Variants in CDK6 observed in about 807,000 individuals in gnomAD.
The protein encoded by CDK6 is cyclin-dependent kinase 6.
In CDK6, 6 loss-of-function variants were observed where a neutral mutation model predicts 37.1. The ratio of observed to expected loss-of-function variants is 0.16; its 90% CI spans 0.09 to 0.32. The LOEUF is 0.32. Ranked by LOEUF, CDK6 falls within the 10% of genes least tolerant of loss-of-function variation. The probability of loss-of-function intolerance (pLI) is 1.00; values close to 1 mark genes in which losing one functional copy is unlikely to be tolerated. For synonymous variants in CDK6, 160 were observed against 161.3 expected (o/e 0.99, Z 0.06); for missense variants, 224 against 418.9 (o/e 0.53, Z 4.06).
rs538303533 is a variant in CDK6 at position 92,677,972 on chromosome 7, T to G, written c.538-6437A>C. 4.6e-5 allele frequency among the ~76,000 whole-genome samples: 7 copies of G among 152,308 alleles called. No individual in the cohort carries two copies. The South Asian group carries it at 1.4e-3, about 32-fold the overall frequency. ...TTATACTTCTGTGCCTCTAAAAACT[T>G]CTGATGGAAGACTGCTGAACTTAAA... On this transcript the variant is annotated intron_variant, in intron 4 of 7. Coordinates refer to ENST00000424848, the MANE Select transcript of CDK6 (RefSeq NM_001145306.2).
chr7:92,754,678 C>T (rs905748765), intron 3 of CDK6, among the ~76,000 whole-genome samples: 8 of 152,166 alleles, frequency 5.3e-5, no homozygotes, highest in Non-Finnish European at 1.0e-4. Flanking sequence ...AAAAATAAAA[C>T]AACAGTTTTT....
At chr7:92,636,439 A>T (rs1488872072) in intron 5 of CDK6, among the ~76,000 whole-genome samples, 1 of 152,176 alleles carries the variant, frequency 6.6e-6, no homozygotes, top group Non-Finnish European at 1.5e-5. Context: ...TACAAGAATG[A>T]GAAGGCTGAG....
At chr7:92,681,742 TA>T (rs988637485) in intron 4 of CDK6, among the ~76,000 whole-genome samples, 31 of 152,286 alleles carry the variant, frequency 2.0e-4, no homozygotes, top group African/African-American at 7.2e-4. Flanking sequence ...TTGTCTCTTT[TA>T]AATTATTGCT....
chr7:92,767,952 T>C (rs566910916), intron 3 of CDK6, among the ~76,000 whole-genome samples: 1 of 152,282 alleles, frequency 6.6e-6, no homozygotes, highest in East Asian at 1.9e-4. Context: ...CTATAAGTGA[T>C]ATACTTTGAA....
At chr7:92,714,904 G>C (rs924225756) in intron 4 of CDK6, among the ~76,000 whole-genome samples, 1 of 151,526 alleles carries the variant, frequency 6.6e-6, no homozygotes, top group African/African-American at 2.4e-5. Flanking sequence ...GTTTATTCTT[G>C]ACAGAATTCT....
chr7:92,833,952 G>T lies in CDK6; in HGVS notation c.-367-262C>A. On this transcript the variant is annotated intron_variant, in intron 1 of 7. Transcript: ENST00000424848. The surrounding 1 kb of genome is among the most constrained non-coding windows in gnomAD (Gnocchi z 6.1). ...CCTCGGGGATGAGCGAGCGGCGCGG[G>T]ACGCAGTGGAACGGGAGGGGGCGTG... 1 of 398,802 alleles carries T rather than the reference G, an allele frequency of 2.5e-6. No homozygotes were observed. The highest frequency in any genetic ancestry group is 1.3e-4 in the South Asian group (1 of 7,880). The allele number at this position is 398,802 out of a possible 1,614,324, so 24.7% of individuals were successfully genotyped here. A position where few individuals can be genotyped will look rare whatever the true frequency, so the allele number is the denominator to read the frequency against.
intron 4 of CDK6, among the ~76,000 whole-genome samples, chr7:92,689,947 A>G (rs139089084): frequency 1.2e-3 from 175 of 152,010 alleles, no homozygotes; most frequent in African/African-American, 4.1e-3. Flanking sequence ...GTGTCTGTTC[A>G]TGTCATTTGC....
intron 2 of CDK6, among the ~76,000 whole-genome samples, chr7:92,800,387 A>G (rs1445637193): frequency 6.6e-6 from 1 of 152,168 alleles, no homozygotes; most frequent in Non-Finnish European, 1.5e-5. Flanking sequence ...TTCTTTTCAC[A>G]TCGTTCTTCT....
At chr7:92,805,884 G>C (rs1455086001) in intron 2 of CDK6, among the ~76,000 whole-genome samples, 1 of 152,118 alleles carries the variant, frequency 6.6e-6, no homozygotes, top group Non-Finnish European at 1.5e-5. Context: ...GTTCTCTTCT[G>C]ATTTTAAAAT....
intron 5 of CDK6, among the ~76,000 whole-genome samples, chr7:92,664,096 G>T (rs1179373113): frequency 2.6e-5 from 4 of 151,704 alleles, no homozygotes; most frequent in African/African-American, 9.7e-5. Context: ...AGCCAAGATC[G>T]TGCCACTGCA....
chr7:92,751,640 C>T (rs1799190629), intron 3 of CDK6, among the ~76,000 whole-genome samples: 1 of 152,218 alleles, frequency 6.6e-6, no homozygotes, highest in Middle Eastern at 3.4e-3. Context: ...AGTATGTATT[C>T]CTCAATGGTT....
At chr7:92,831,514 G>A (rs2116023677) in intron 2 of CDK6, among the ~76,000 whole-genome samples, 2 of 152,272 alleles carry the variant, frequency 1.3e-5, no homozygotes, top group East Asian at 3.9e-4. Flanking sequence ...CTGAGTTACA[G>A]GGGGCTAAAT....
chr7:92,639,065 T>A (rs1227143144), intron 5 of CDK6, among the ~76,000 whole-genome samples: 1 of 152,210 alleles, frequency 6.6e-6, no homozygotes, highest in Non-Finnish European at 1.5e-5. Context: ...CATCTGCTTC[T>A]TTATGGATCC....
chr7:92,635,248 C>T (rs1214487313), intron 5 of CDK6, among the ~76,000 whole-genome samples: 1 of 152,190 alleles, frequency 6.6e-6, no homozygotes, highest in Non-Finnish European at 1.5e-5. Context: ...TGTCAGGTAA[C>T]AATGTTGTTT....
In CDK6 at chr7:92,834,629, G is replaced by A. The variant is rs1309344331; in HGVS notation, c.-367-939C>T. On this transcript the variant is annotated intron_variant, in intron 1 of 7. Transcript: ENST00000424848. This position sits in a 1 kb window ranked among gnomAD's most constrained non-coding sequence, Gnocchi z 4.6. ...TAGCATAATCGCGCCTCGTCCTTAA[G>A]TTTTAAACTGATTTCGACCTGAGCA... is the stretch of plus-strand genomic sequence containing the variant. Among the ~76,000 whole-genome samples the A allele has an allele frequency of 6.9e-6, 1 of 144,400 alleles. No homozygotes were observed. Among genetic ancestry groups the A allele is most frequent in the African/African-American group, 2.5e-5 (1 of 39,216 alleles). The allele number at this position is 144,400 out of a possible 152,430, so 94.7% of individuals were successfully genotyped here. A position where few individuals can be genotyped will look rare whatever the true frequency, so the allele number is the denominator to read the frequency against.
At chr7:92,684,923 TCGA>T (rs1178378989) in intron 4 of CDK6, among the ~76,000 whole-genome samples, 5 of 152,282 alleles carry the variant, frequency 3.3e-5, no homozygotes, top group East Asian at 1.9e-4. Flanking sequence ...TTGTATGGAC[TCGA>T]CGACATTATC....
At chr7:92,756,700 A>T (rs928888956) in intron 3 of CDK6, among the ~76,000 whole-genome samples, 1 of 152,250 alleles carries the variant, frequency 6.6e-6, no homozygotes, top group Non-Finnish European at 1.5e-5. Context: ...ATGCAACATT[A>T]GAGTGGTGGG....
chr7:92,833,969 G>C lies in CDK6; in HGVS notation c.-367-279C>G, dbSNP rs926823345. On this transcript the variant is annotated intron_variant, in intron 1 of 7. Transcript: ENST00000424848. The surrounding 1 kb of genome is among the most constrained non-coding windows in gnomAD (Gnocchi z 6.1). ...CGGCGCGGGACGCAGTGGAACGGGA[G>C]GGGGCGTGCCGAGCAGCCCAGAGTG... 1 of 398,624 alleles carries C rather than the reference G, an allele frequency of 2.5e-6. No homozygotes were observed. The highest frequency in any genetic ancestry group is 4.4e-6 in the Non-Finnish European group (1 of 226,150). 24.7% of individuals were successfully genotyped at this position (398,624 alleles called of 1,614,324 possible).
chr7:92,659,400 T>G (rs1796784114), intron 5 of CDK6, among the ~76,000 whole-genome samples: 1 of 152,230 alleles, frequency 6.6e-6, no homozygotes, highest in African/African-American at 2.4e-5. Context: ...ACATTTTGGA[T>G]GTACTGTGGT....
Sources: allele counts gnomAD v4.1 joint callset (sites outside exome capture counted in the v4.1 genomes callset), GRCh38; gene constraint gnomAD v4.1.1; non-coding constraint Gnocchi (gnomAD v3.1); transcripts MANE v1.5; gene names NCBI Gene and HGNC (gene_info 2026-07-23, HGNC 2026-07-21).